The following AMOTL1 variants were observed in gnomAD, a reference collection of about 807,000 sequenced individuals.
AMOTL1 encodes the protein angiomotin-like protein 1.
AMOTL1 carries 45 observed loss-of-function variants against 102.9 expected under a neutral mutation model. The observed-to-expected ratio is 0.44, with a 90% CI of 0.34 to 0.56. The LOEUF (loss-of-function observed/expected upper bound fraction) is 0.56, where lower values mean the gene tolerates loss of function less well. Among genes scored for constraint, AMOTL1 ranks in the 20% least tolerant of loss-of-function variants. The pLI is 0.01. For synonymous variants in AMOTL1, 481 were observed against 484.7 expected, an observed-to-expected ratio of 0.99 and a Z score of 0.10; for missense variants, 1,114 against 1,225.6, an observed-to-expected ratio of 0.91 and a Z score of 1.36.
intron 8 of AMOTL1, among the ~76,000 whole-genome samples, chr11:94,859,277 A>G (rs1952727193): frequency 6.6e-6 from 1 of 152,206 alleles, no homozygotes; most frequent in African/African-American, 2.4e-5. Flanking sequence ...TACTACTGAT[A>G]AGCTGAGAGA....
chr11:94,756,292 T>G (rs1950724748), intron 3 of AMOTL1, among the ~76,000 whole-genome samples: 1 of 152,176 alleles, frequency 6.6e-6, no homozygotes, highest in African/African-American at 2.4e-5. Flanking sequence ...TGTCCTCATT[T>G]AGGTTTGTGG....
intron 3 of AMOTL1, among the ~76,000 whole-genome samples, chr11:94,741,341 C>G (rs1296028668): frequency 1.3e-5 from 2 of 152,174 alleles, no homozygotes; most frequent in African/African-American, 2.4e-5. Flanking sequence ...GAAACCTGCG[C>G]TCATCTTGCC....
chr11:94,780,228 A>G (rs1951090416), intron 1 of AMOTL1, among the ~76,000 whole-genome samples: 2 of 152,196 alleles, frequency 1.3e-5, no homozygotes, highest in South Asian at 2.1e-4. Context: ...CTGAAGATGG[A>G]GCCTCTTAGG....
At chr11:94,794,727 G>T (rs1211569883) in intron 1 of AMOTL1, among the ~76,000 whole-genome samples, 1 of 152,194 alleles carries the variant, frequency 6.6e-6, no homozygotes, top group Non-Finnish European at 1.5e-5. Context: ...CGCTGGTGCT[G>T]CTGCAACCCT....
chr11:94,840,448 G>C (rs943094318), intron 6 of AMOTL1, among the ~76,000 whole-genome samples: 2 of 151,928 alleles, frequency 1.3e-5, no homozygotes, highest in African/African-American at 4.8e-5. Flanking sequence ...TTCAAAGCAA[G>C]TTGCAAAAAT....
At chr11:94,744,483 A>G (rs914962885) in intron 3 of AMOTL1, among the ~76,000 whole-genome samples, 7 of 152,158 alleles carry the variant, frequency 4.6e-5, no homozygotes, top group African/African-American at 7.2e-5. Flanking sequence ...TCCATTAGGC[A>G]TGATTGATTG....
intron 4 of AMOTL1, among the ~76,000 whole-genome samples, chr11:94,824,222 A>T (rs1434621207): frequency 1.3e-5 from 2 of 152,174 alleles, no homozygotes; most frequent in Non-Finnish European, 2.9e-5. Context: ...CTTGAATGTT[A>T]TAAATTGTTC....
chr11:94,766,514 A>G (rs1203834565), upstream of AMOTL1, among the ~76,000 whole-genome samples: 1 of 152,152 alleles, frequency 6.6e-6, no homozygotes, highest in Admixed American at 6.5e-5. Context: ...GCTGCTTCCT[A>G]GACTATAGGA....
rs531942924 is a variant in AMOTL1 at position 94,799,121 on chromosome 11, G to T, written c.200-269G>T. Among the ~76,000 whole-genome samples, 3 of 152,032 alleles carry T rather than the reference G, an allele frequency of 2.0e-5. No individual in the cohort carries two copies. Among genetic ancestry groups the T allele is most frequent in the Non-Finnish European group, 2.9e-5 (2 of 68,006 alleles). On this transcript the variant is annotated intron_variant, in intron 2 of 12. Coordinates refer to ENST00000433060, the MANE Select transcript of AMOTL1 (RefSeq NM_130847.3). This position sits in a 1 kb window ranked among gnomAD's most constrained non-coding sequence, Gnocchi z 4.5. Reference sequence around the variant, plus strand: ...ATTTATGTGATGAAGAGAAAGGACCGGTGGGGAGATTAGAGAAAAGGGAGG... The same window carrying T: ...ATTTATGTGATGAAGAGAAAGGACCTGTGGGGAGATTAGAGAAAAGGGAGG...
At chr11:94,747,926 T>G (rs1950608896) in intron 3 of AMOTL1, among the ~76,000 whole-genome samples, 1 of 152,196 alleles carries the variant, frequency 6.6e-6, no homozygotes, top group African/African-American at 2.4e-5. Context: ...TAAGAACTAG[T>G]CTTACAGCCT....
intron 3 of AMOTL1, among the ~76,000 whole-genome samples, chr11:94,743,654 T>C (rs2915241): frequency 0.034 from 311 of 9,158 alleles, no homozygotes; most frequent in Middle Eastern, 0.2. Context: ...AATACTTCTT[T>C]TTTTTTTTTT....
intron 1 of AMOTL1, among the ~76,000 whole-genome samples, chr11:94,710,925 T>C (rs1950014246): frequency 6.6e-6 from 1 of 152,176 alleles, no homozygotes; most frequent in Non-Finnish European, 1.5e-5. Context: ...GCTCAATATA[T>C]TATAACTATT....
At chr11:94,819,976 C>T (rs1452214204) in intron 3 of AMOTL1, among the ~76,000 whole-genome samples, 1 of 152,142 alleles carries the variant, frequency 6.6e-6, no homozygotes, top group African/African-American at 2.4e-5. Flanking sequence ...AAGATAGGAG[C>T]TAATACTAGG....
At chr11:94,709,405 A>C (rs1949985264) in intron 1 of AMOTL1, among the ~76,000 whole-genome samples, 2 of 152,254 alleles carry the variant, frequency 1.3e-5, no homozygotes, top group South Asian at 4.1e-4. Flanking sequence ...GCCAATTTTC[A>C]TGGTGTAAAT....
chr11:94,863,234 G>A (rs1039944804), intron 9 of AMOTL1, among the ~76,000 whole-genome samples: 2 of 150,660 alleles, frequency 1.3e-5, no homozygotes, highest in African/African-American at 4.9e-5. Flanking sequence ...AATGTTGATA[G>A]CTGTCATTAA....
At chr11:94,859,812 G>A (rs999337284) in intron 9 of AMOTL1, 97 bp downstream of exon 9, 2 of 1,294,088 alleles carry the variant, frequency 1.5e-6, no homozygotes, top group Non-Finnish European at 2.0e-6. Context: ...CCCATCCTAG[G>A]GAGTGAAGTC....
intron 3 of AMOTL1, among the ~76,000 whole-genome samples, chr11:94,744,205 G>C (rs912117733): frequency 2.6e-5 from 4 of 152,048 alleles, no homozygotes; most frequent in Non-Finnish European, 4.4e-5. Flanking sequence ...TACAAATCAG[G>C]GCTTCCTACA....
chr11:94,827,958 T>C (rs1433846676), intron 4 of AMOTL1, among the ~76,000 whole-genome samples: 1 of 152,184 alleles, frequency 6.6e-6, no homozygotes, highest in South Asian at 2.1e-4. Flanking sequence ...ATCTTCTGTT[T>C]ACCTCCCTGA....
Position 94,748,548 on chromosome 11 carries a change from A to G in AMOTL1, c.136+7560A>G, listed in dbSNP as rs149377884. ...ACTAGCAATCTTCCTAACAAGTTAT[A>G]GGAAGCACATCTTAGTGGTTAAGAG... is the stretch of plus-strand genomic sequence containing the variant. On this transcript the variant is annotated intron_variant, in intron 3 of 4. Coordinates refer to the AMOTL1 transcript ENST00000299004. 3.0e-3 allele frequency among the ~76,000 whole-genome samples: 451 copies of G among 152,344 alleles called. 4 individuals are homozygous for G. Among genetic ancestry groups the G allele is most frequent in the African/African-American group, 0.01 (424 of 41,576 alleles).
Sources: allele counts gnomAD v4.1 joint callset (sites outside exome capture counted in the v4.1 genomes callset), GRCh38; gene constraint gnomAD v4.1.1; non-coding constraint Gnocchi (gnomAD v3.1); transcripts MANE v1.5; gene names NCBI Gene and HGNC (gene_info 2026-07-23, HGNC 2026-07-21).